COL2A1: variants seen among roughly 807,000 people sequenced by gnomAD.
COL2A1 encodes collagen type II alpha 1 chain, also known as collagen alpha-1(II) chain.
COL2A1 carries 28 observed loss-of-function variants against 204.5 expected under a neutral mutation model. The observed-to-expected ratio is 0.14, with a 90% confidence interval of 0.10 to 0.19. COL2A1 has a LOEUF of 0.19. COL2A1 is among the 10% of genes least tolerant of loss of function. COL2A1 has a pLI of 1.00. For synonymous variants in COL2A1, 708 were observed against 718.7 expected, an observed-to-expected ratio of 0.99 and a Z score of 0.24; for missense variants, 1,388 against 2,027.5, an observed-to-expected ratio of 0.68 and a Z score of 6.06.
chr12:47,979,612 T>C, intron 40 of COL2A1, 48 bp from the exon 41 acceptor site: 1 of 878,828 alleles, frequency 1.1e-6, no homozygotes, highest in Non-Finnish European at 1.7e-6. Flanking sequence ...CCTCAGGAGG[T>C]TTGAGATTAA....
chr12:47,984,332 A>G (rs1472790235), intron 28 of COL2A1, among the ~76,000 whole-genome samples, 192 bp from the exon 29 acceptor site: 1 of 152,008 alleles, frequency 6.6e-6, no homozygotes, highest in Non-Finnish European at 1.5e-5. Context: ...TCAGCATGGA[A>G]GCCTTCCCCA....
At chr12:47,983,593 G>T (rs41263849) in intron 30 of COL2A1, 90 bp downstream of exon 30, 1 of 1,477,256 alleles carries the variant, frequency 6.8e-7, no homozygotes, top group African/African-American at 1.4e-5. Context: ...TGCAAGAGGT[G>T]TGGGCCCTCC....
rs1191287105 is a variant in COL2A1 at position 47,984,576 on chromosome 12, C to A, written c.1857G>T (p.Glu619Asp). 2.5e-6 allele frequency: 4 copies of A among 1,614,200 alleles called. No individual in the cohort carries two copies. The highest frequency in any genetic ancestry group is 3.4e-6 in the Non-Finnish European group (4 of 1,180,040). Reference sequence around the variant, plus strand: ...GACCAGGAGCACCAGGCAGTCCCTTCTCACCAGCTTTGCCAGGCTCACCCT... The same window carrying A: ...GACCAGGAGCACCAGGCAGTCCCTTATCACCAGCTTTGCCAGGCTCACCCT... ...GANGEPGKAG[E>D]KGLPGAPGLR... Residue 619 changes from glutamate to aspartate, a missense_variant, in exon 28 of 54, where the codon GAG (glutamate) becomes GAT (aspartate). Glu to Asp is a conservative substitution (Grantham distance 45). Around this residue, in one of 3 missense-constraint regions of COL2A1, gnomAD observed 884 missense variants for 1,415.8 expected, o/e 0.62. Coordinates refer to ENST00000380518, the MANE Select transcript of COL2A1 (RefSeq NM_001844.5).
At chr12:48,005,736 GC>G (rs1940444926), upstream of COL2A1, 1 of 152,196 alleles carries the variant, frequency 6.6e-6, no homozygotes, top group Non-Finnish European at 1.5e-5. Context: ...AGAACTATAG[GC>G]AAAATGAAAC....
In COL2A1 at chr12:47,982,943, C is replaced by G; in HGVS notation, c.2098G>C (p.Glu700Gln). 6.2e-7 allele frequency: 1 copy of G among 1,613,626 alleles called. No individual in the cohort carries two copies. The highest frequency in any genetic ancestry group is 8.5e-7 in the Non-Finnish European group (1 of 1,179,938). The part of the protein sequence containing the change: ...GAPGLVGPRG[E>Q]RGFPGERGSP... ...CCACGTTCACCTGGGAAACCTCGTT[C>G]ACCCTGCGGCAGAGACACCAAGAAG... Residue 700 changes from glutamate (E) to glutamine (Q), a missense_variant, in exon 33 of 54, where the codon GAA becomes CAA. Physicochemically the swap from Glu to Gln is conservative, Grantham distance 29. This residue lies in a region of COL2A1 where 884 missense variants were observed against 1,415.8 expected (regional missense o/e 0.62). Coordinates refer to ENST00000380518, the MANE Select transcript of COL2A1 (RefSeq NM_001844.5).
chr12:47,989,359 C>T, intron 17 of COL2A1, 78 bp from the exon 18 acceptor site: 1 of 1,128,914 alleles, frequency 8.9e-7, no homozygotes, highest in Non-Finnish European at 1.3e-6. Context: ...ACACCTCACA[C>T]TCCTTCCCTC....
At chr12:47,981,127 C>T (rs747630638) in intron 37 of COL2A1, among the ~76,000 whole-genome samples, 159 bp from the exon 38 acceptor site, 9 of 152,200 alleles carry the variant, frequency 5.9e-5, no homozygotes, top group Non-Finnish European at 1.2e-4. Context: ...GCTCTGTTAA[C>T]CCAAAAGCCC....
chr12:47,984,164 G>A, intron 28 of COL2A1, 24 bp from the exon 29 acceptor site: 1 of 1,610,704 alleles, frequency 6.2e-7, no homozygotes, highest in Non-Finnish European at 8.5e-7. Context: ...AAAAAGAAAA[G>A]TCAATGACAC....
At chr12:47,986,572 G>C in intron 22 of COL2A1, 129 bp from the exon 23 acceptor site, 1 of 727,990 alleles carries the variant, frequency 1.4e-6, no homozygotes, top group Non-Finnish European at 2.4e-6. Flanking sequence ...AGGACGAGAG[G>C]CCATAAAGGA....
At chr12:48,003,798 C>G (rs1206700705) in intron 1 of COL2A1, among the ~76,000 whole-genome samples, 1 of 152,172 alleles carries the variant, frequency 6.6e-6, no homozygotes, top group African/African-American at 2.4e-5. Context: ...TTGCTTGCTC[C>G]CTCGCTCGCG....
At chr12:47,990,768 T>C (rs768160411) in intron 16 of COL2A1, among the ~76,000 whole-genome samples, 1 of 152,314 alleles carries the variant, frequency 6.6e-6, no homozygotes, top group East Asian at 1.9e-4. Context: ...GGAGGGTTTT[T>C]TCTGCCAAGT....
At chr12:47,994,086 A>T (rs1231710336) in intron 12 of COL2A1, 39 bp from the exon 13 acceptor site, 2 of 1,612,902 alleles carry the variant, frequency 1.2e-6, no homozygotes. Context: ...CACAGAGTAA[A>T]ATAACAGTGG....
rs1793927 is a variant in COL2A1 at position 47,989,767 on chromosome 12, C to G, written c.1062G>C (p.Gly354=). ...RGNDGQPGPA[G]PPGPVGPAGG... ...GAGGATGAAATGAACTTACCGGAGGCCCTGCGGGGCCTGGCTGACCATCGT... is the reference window on the plus strand; with the variant it reads ...GAGGATGAAATGAACTTACCGGAGGGCCTGCGGGGCCTGGCTGACCATCGT... Residue 354 remains glycine (G), a synonymous_variant, in exon 17 of 54, where the codon GGG becomes GGC. Transcript: ENST00000380518. The G allele has an allele frequency of 1.2e-6, 2 of 1,613,530 alleles. No homozygotes were observed. Among genetic ancestry groups the G allele is most frequent in the East Asian group, 4.5e-5 (2 of 44,876 alleles).
rs190907971 is a variant in COL2A1, at chr12:48,004,160, C to G, written c.85+77G>C. The G allele has an allele frequency of 5.4e-3, 6,318 of 1,162,984 alleles. 195 individuals are homozygous for G. The Admixed American group carries it at 0.076, about 14-fold the overall frequency. 72.0% of individuals were successfully genotyped at this position (1,162,984 alleles called of 1,614,324 possible). The stretch of plus-strand genomic sequence containing the variant: ...TAGCCCGGAGCCGCGGGCTCCAGAG[C>G]TGGAGCGGGCCGGGGAGAAGGATGC... On this transcript the variant is annotated intron_variant, in intron 1 of 53. Transcript: ENST00000380518.
In COL2A1 at chr12:47,974,670, C is replaced by T; in HGVS notation, c.4074+5G>A. 6.2e-7 allele frequency: 1 copy of T among 1,613,990 alleles called. No individual in the cohort carries two copies. Among genetic ancestry groups the T allele is most frequent in the Non-Finnish European group, 8.5e-7 (1 of 1,179,856 alleles). Reference sequence around the variant, plus strand: ...GCTCATCATCTAGGGCACCCAGGTACTCACATGGAAGCCACCATTGATGGT... The same window carrying T: ...GCTCATCATCTAGGGCACCCAGGTATTCACATGGAAGCCACCATTGATGGT... On this transcript the variant is annotated splice_donor_5th_base_variant and intron_variant, in intron 52 of 53. Transcript: ENST00000380518.
intron 51 of COL2A1, 65 bp from the exon 52 acceptor site, chr12:47,974,927 C>T: frequency 4.6e-6 from 7 of 1,522,382 alleles, no homozygotes; most frequent in Non-Finnish European, 5.4e-6. Flanking sequence ...GCTTGAGAGA[C>T]CCAGGCCTGA....
Position 47,977,761 on chromosome 12 carries a change from C to T in COL2A1, c.3112-108G>A, listed in dbSNP as rs1189369439. ...CAGGCCTCTCCTCTTCTGCCCAACT[C>T]ACTCACACTTTGAAGCCAAAGTTTC... On this transcript the variant is annotated intron_variant, in intron 44 of 53. Coordinates refer to ENST00000380518, the MANE Select transcript of COL2A1 (RefSeq NM_001844.5). 11 of 1,290,176 alleles carry T rather than the reference C, an allele frequency of 8.5e-6. No individual in the cohort carries two copies. In the East Asian group the frequency reaches 2.8e-4, roughly 32 times the overall value. 79.9% of individuals were successfully genotyped at this position (1,290,176 alleles called of 1,614,324 possible). A position where few individuals can be genotyped will look rare whatever the true frequency, so the allele number is the denominator to read the frequency against.
intron 11 of COL2A1, 59 bp downstream of exon 11, chr12:47,995,196 C>G: frequency 6.8e-7 from 1 of 1,481,176 alleles, no homozygotes; most frequent in Non-Finnish European, 9.4e-7. Flanking sequence ...CAAGCACACA[C>G]CCTCTCCAGG....
At chr12:47,975,704 GC>G in intron 50 of COL2A1, 99 bp from the exon 51 acceptor site, 1 of 1,343,740 alleles carries the variant, frequency 7.4e-7, no homozygotes, top group Non-Finnish European at 1.0e-6. Context: ...CCTCTTCCCA[GC>G]CCCATGGGTG....
Sources: gnomAD v4.1 joint callset for allele counts (sites outside exome capture counted in the v4.1 genomes callset) on GRCh38, gnomAD v4.1.1 for gene constraint, gnomAD v4.1.1 regional missense constraint, MANE v1.5 for transcripts, NCBI Gene and HGNC (gene_info 2026-07-23, HGNC 2026-07-21) for gene names.